XDH: variants seen among roughly 807,000 people sequenced by gnomAD.
The protein encoded by XDH is xanthine dehydrogenase/oxidase.
Under a neutral mutation model 156.1 loss-of-function variants are expected in XDH, and 138 were observed. That is an observed-to-expected ratio of 0.88 (90% CI 0.77 to 1.02). XDH has a LOEUF of 1.02. Ranked by LOEUF, XDH falls within the 50% of genes least tolerant of loss-of-function variation. The pLI is 0.00. For missense variants in XDH, 1,849 were observed against 1,684.9 expected (o/e 1.10, Z -1.71); for synonymous variants, 669 against 625.7 (o/e 1.07, Z -1.03).
intron 6 of XDH, among the ~76,000 whole-genome samples, chr2:31,396,887 T>C (rs1240707553): frequency 1.3e-5 from 2 of 152,212 alleles, no homozygotes; most frequent in African/African-American, 4.8e-5. Context: ...TATACGATTA[T>C]ACAGACACAG....
rs374770453 is a variant in XDH at position 31,339,471 on chromosome 2, G to A, written c.3774+18C>T. On this transcript the variant is annotated intron_variant, in intron 34 of 35. Transcript: ENST00000379416. ...AGGGCAGATCAGAAGAGACAGCACA[G>A]AGCCAGAGCAATGGTACCTTCGATG... The A allele has an allele frequency of 1.9e-5, 30 of 1,613,482 alleles. No individual in the cohort carries two copies. The highest frequency in any genetic ancestry group is 2.0e-5 in the Non-Finnish European group (24 of 1,180,050).
intron 34 of XDH, among the ~76,000 whole-genome samples, chr2:31,338,519 G>C (rs1685029196): frequency 6.6e-6 from 1 of 152,122 alleles, no homozygotes; most frequent in African/African-American, 2.4e-5. Flanking sequence ...ATATGTCCCA[G>C]CTTCCCCACC....
At chr2:31,384,262 T>C (rs2236168) in intron 9 of XDH, 86,593 of 201,844 alleles carry the variant, frequency 0.43, 19,106 homozygotes, top group East Asian at 0.48. Flanking sequence ...TGAGGTACTA[T>C]GATTTTTCTG....
intron 6 of XDH, among the ~76,000 whole-genome samples, chr2:31,390,228 TTTTG>T (rs1280724190): frequency 4.6e-5 from 7 of 152,176 alleles, no homozygotes; most frequent in African/African-American, 1.7e-4. Context: ...GCCTCCATGG[TTTTG>T]TCTTTTCTAG....
intron 9 of XDH, chr2:31,384,429 T>C (rs1264477845): frequency 6.4e-6 from 1 of 155,400 alleles, no homozygotes; most frequent in African/African-American, 2.4e-5. Flanking sequence ...AAAAGGAAAA[T>C]GGGAGGGAAA....
In XDH at chr2:31,339,546, C is replaced by T. The variant is rs207440; in HGVS notation, c.3717G>A (p.Glu1239=). Residue 1239 remains glutamate, a synonymous_variant, in exon 34 of 36, where the codon GAG becomes GAA. Transcript: ENST00000379416. The part of the protein sequence containing the change: ...KIPAFGSIPI[E]FRVSLLRDCP... Reference sequence around the variant, plus strand: ...AGTCGCGGAGCAGGGACACCCTGAACTCAATGGGGATGCTGCCAAATGCCG... The same window carrying T: ...AGTCGCGGAGCAGGGACACCCTGAATTCAATGGGGATGCTGCCAAATGCCG... 0.057 allele frequency: 92,792 copies of T among 1,614,126 alleles called. 2,861 individuals are homozygous for T. Among genetic ancestry groups the T allele is most frequent in the South Asian group, 0.073 (6,651 of 91,082 alleles).
chr2:31,353,299 T>C (rs144403776), intron 24 of XDH, among the ~76,000 whole-genome samples: 346 of 152,266 alleles, frequency 2.3e-3, no homozygotes, highest in Non-Finnish European at 3.8e-3. Context: ...GAGCATCAAC[T>C]GAGACTAAAT....
At chr2:31,359,443 C>A (rs182034113) in intron 24 of XDH, among the ~76,000 whole-genome samples, 1 of 151,018 alleles carries the variant, frequency 6.6e-6, no homozygotes, top group African/African-American at 2.4e-5. Context: ...GCATCACAAG[C>A]GCCAGTGATG....
intron 32 of XDH, among the ~76,000 whole-genome samples, 186 bp from the exon 33 acceptor site, chr2:31,341,580 G>A (rs927894673): frequency 6.6e-5 from 10 of 152,048 alleles, no homozygotes; most frequent in East Asian, 1.9e-4. Context: ...CACCATCCCC[G>A]CTGGAGTCTG....
chr2:31,348,148 T>C (rs1471365319), intron 28 of XDH, 120 bp downstream of exon 28: 12 of 1,005,692 alleles, frequency 1.2e-5, no homozygotes. Context: ...TACACGGACA[T>C]AAGCAACAGG....
intron 14 of XDH, 28 bp from the exon 15 acceptor site, chr2:31,375,582 G>C (rs776576985): frequency 1.2e-6 from 2 of 1,609,220 alleles, no homozygotes; most frequent in Non-Finnish European, 1.7e-6. Flanking sequence ...GTGGGACAGC[G>C]CTCCCGCCCA....
At position 31,378,312 on chromosome 2, in the gene XDH, G is replaced by A. The variant is rs192974349; in HGVS notation, c.1243-1075C>T. ...AGCCAGGATCTTTCTTTAAGGATAG[G>A]AGGAGAGCATGAGCTATTTTCCAGG... is the stretch of plus-strand genomic sequence containing the variant. On this transcript the variant is annotated intron_variant, in intron 13 of 35. Transcript: ENST00000379416. Among the ~76,000 whole-genome samples, 10 of 152,222 alleles carry A rather than the reference G, an allele frequency of 6.6e-5. No homozygotes were observed. In the East Asian group the frequency reaches 1.7e-3, roughly 26 times the overall value.
At chr2:31,362,872 G>C (rs911796497) in intron 24 of XDH, among the ~76,000 whole-genome samples, 1 of 152,200 alleles carries the variant, frequency 6.6e-6, no homozygotes, top group Admixed American at 6.5e-5. Context: ...TAGTATGAGA[G>C]TGTTCAGAGC....
intron 14 of XDH, 124 bp downstream of exon 14, chr2:31,376,929 G>A: frequency 8.0e-7 from 1 of 1,253,208 alleles, no homozygotes; most frequent in Non-Finnish European, 1.1e-6. Flanking sequence ...AGCAGTAGCA[G>A]TAGTTATGGT....
chr2:31,388,009 G>A (rs1255932334), intron 7 of XDH, 112 bp from the exon 8 acceptor site: 2 of 1,265,846 alleles, frequency 1.6e-6, no homozygotes, highest in East Asian at 2.5e-5. Context: ...CCTGCAGGCT[G>A]CAAGAGGAGC....
chr2:31,375,671 G>T (rs1686226787), intron 14 of XDH, 117 bp from the exon 15 acceptor site: 2 of 1,224,368 alleles, frequency 1.6e-6, no homozygotes, highest in Admixed American at 2.1e-5. Context: ...ATTTGGCTTG[G>T]ATACTTAGAG....
intron 31 of XDH, among the ~76,000 whole-genome samples, chr2:31,343,131 C>A (rs1685168204): frequency 6.6e-6 from 1 of 151,964 alleles, no homozygotes; most frequent in Admixed American, 6.6e-5. Context: ...ATTCCTTTGA[C>A]CTCTGCTTTC....
In XDH at chr2:31,398,734, G is replaced by A. The variant is rs755972834; in HGVS notation, c.307-35C>T. ...ACAGATGACATAGACACCTGGGATG[G>A]CAGAACCCTCCCAGGCTCCCCAAAG... On this transcript the variant is annotated intron_variant, in intron 4 of 35. Coordinates refer to ENST00000379416, the MANE Select transcript of XDH (RefSeq NM_000379.4). 5.6e-6 allele frequency: 9 copies of A among 1,611,912 alleles called. No homozygotes were observed. In the Admixed American group the frequency reaches 1.0e-4, roughly 18 times the overall value.
chr2:31,401,346 G>A lies in XDH; in HGVS notation c.198-18C>T, dbSNP rs772168947. On this transcript the variant is annotated intron_variant, in intron 3 of 35. Coordinates refer to ENST00000379416, the MANE Select transcript of XDH (RefSeq NM_000379.4). ...AAAAGTGGCTAGAACCCCAGATTAA[G>A]GTCATTCCATTTATTGTCCACTCAG... 23 of 1,613,300 alleles carry A rather than the reference G, an allele frequency of 1.4e-5. No homozygotes were observed. Among genetic ancestry groups the A allele is most frequent in the Non-Finnish European group, 1.9e-5 (23 of 1,179,644 alleles).
Sources: gnomAD v4.1 joint callset for allele counts (sites outside exome capture counted in the v4.1 genomes callset) on GRCh38, gnomAD v4.1.1 for gene constraint, MANE v1.5 for transcripts, NCBI Gene and HGNC (gene_info 2026-07-23, HGNC 2026-07-21) for gene names.